NTRK3: variants seen among roughly 807,000 people sequenced by gnomAD.
NTRK3 encodes the protein NT-3 growth factor receptor.
Under a neutral mutation model 91.7 loss-of-function variants are expected in NTRK3, and 24 were observed. That is an observed-to-expected ratio of 0.26 (90% CI 0.19 to 0.37). The LOEUF (loss-of-function observed/expected upper bound fraction) is 0.37, where lower values mean the gene tolerates loss of function less well. Among genes scored for constraint, NTRK3 ranks in the 10% least tolerant of loss-of-function variants. The probability of loss-of-function intolerance (pLI) is 1.00; values close to 1 mark genes in which losing one functional copy is unlikely to be tolerated. For synonymous variants in NTRK3, 483 were observed against 404.0 expected (o/e 1.20, Z -2.34); for missense variants, 880 against 1,068.9 (o/e 0.82, Z 2.46).
chr15:88,014,802 A>T lies in NTRK3; in HGVS notation c.1585+18055T>A, dbSNP rs145076496. On this transcript the variant is annotated intron_variant, in intron 14 of 18. Transcript: ENST00000394480. ...AACACGGTCTCTGATTCCTCTTCTC[A>T]CCAGCTCCGAGATTTTCTTTTTTAT... 9.8e-4 allele frequency among the ~76,000 whole-genome samples: 149 copies of T among 152,342 alleles called. 1 individual carries two copies. Among genetic ancestry groups the T allele is most frequent in the South Asian group, 6.6e-3 (32 of 4,826 alleles).
At chr15:88,020,071 C>T (rs552606147) in intron 14 of NTRK3, among the ~76,000 whole-genome samples, 1 of 152,340 alleles carries the variant, frequency 6.6e-6, no homozygotes, top group Non-Finnish European at 1.5e-5. Context: ...GAAGCCCTAA[C>T]TTCGGAGGGG....
At chr15:88,145,866 A>G (rs989532002) in intron 6 of NTRK3, among the ~76,000 whole-genome samples, 6 of 152,034 alleles carry the variant, frequency 3.9e-5, no homozygotes, top group Admixed American at 3.3e-4. Flanking sequence ...TTTTAAAATT[A>G]TGGTAGAATA....
At chr15:88,144,323 C>G (rs937864215) in intron 6 of NTRK3, among the ~76,000 whole-genome samples, 1 of 152,192 alleles carries the variant, frequency 6.6e-6, no homozygotes, top group Admixed American at 6.5e-5. Context: ...GGTACGCCCC[C>G]CTGGACAGAG....
intron 3 of NTRK3, among the ~76,000 whole-genome samples, chr15:88,220,606 G>A (rs189613477): frequency 1.3e-5 from 2 of 152,182 alleles, no homozygotes; most frequent in African/African-American, 4.8e-5. Flanking sequence ...GCCCTGGAAG[G>A]CTCTTGGGAA....
At chr15:88,226,418 G>C (rs2050682839) in intron 3 of NTRK3, among the ~76,000 whole-genome samples, 1 of 152,230 alleles carries the variant, frequency 6.6e-6, no homozygotes, top group Admixed American at 6.5e-5. Flanking sequence ...AGGTGGCCCT[G>C]AGATGCCGGG....
At chr15:88,246,783 C>A (rs1217171838) in intron 3 of NTRK3, among the ~76,000 whole-genome samples, 2 of 152,182 alleles carry the variant, frequency 1.3e-5, no homozygotes, top group African/African-American at 2.4e-5. Flanking sequence ...AGTCTCACAT[C>A]CCTGGACTGC....
At chr15:88,167,338 A>G (rs2045060566) in intron 5 of NTRK3, among the ~76,000 whole-genome samples, 1 of 152,190 alleles carries the variant, frequency 6.6e-6, no homozygotes, top group Non-Finnish European at 1.5e-5. Flanking sequence ...TCTGAGGTCC[A>G]GAAACCAGAT....
At chr15:88,038,536 G>A (rs922705600) in intron 13 of NTRK3, among the ~76,000 whole-genome samples, 3 of 152,142 alleles carry the variant, frequency 2.0e-5, no homozygotes, top group Non-Finnish European at 4.4e-5. Flanking sequence ...AGCAGCCCTA[G>A]ACCTGGGCAT....
chr15:87,872,400 G>A (rs985946801), exon 19 of NTRK3: 36 of 225,660 alleles, frequency 1.6e-4, no homozygotes, highest in African/African-American at 6.7e-4. Context: ...AACTTAAGAC[G>A]CTGCCCTCTT....
chr15:87,980,419 G>A (rs879670578), intron 14 of NTRK3, among the ~76,000 whole-genome samples: 1 of 152,124 alleles, frequency 6.6e-6, no homozygotes, highest in Non-Finnish European at 1.5e-5. Context: ...GTGTGTTTGT[G>A]TGCATCTGTA....
At chr15:87,933,409 A>T (rs1346029774) in intron 15 of NTRK3, among the ~76,000 whole-genome samples, 1 of 152,206 alleles carries the variant, frequency 6.6e-6, no homozygotes, top group Non-Finnish European at 1.5e-5. Context: ...TGACATCCAC[A>T]TCCCGTGCAC....
intron 14 of NTRK3, among the ~76,000 whole-genome samples, chr15:87,994,676 G>T (rs918410986): frequency 6.6e-6 from 1 of 152,152 alleles, no homozygotes; most frequent in Non-Finnish European, 1.5e-5. Context: ...AACTAAAACA[G>T]GAATTGTTTC....
intron 14 of NTRK3, among the ~76,000 whole-genome samples, chr15:88,010,877 T>A (rs567959810): frequency 6.6e-6 from 1 of 152,192 alleles, no homozygotes; most frequent in South Asian, 2.1e-4. Flanking sequence ...CACCACATCA[T>A]GCATTCACAG....
intron 13 of NTRK3, among the ~76,000 whole-genome samples, chr15:88,039,917 G>A (rs1366761974): frequency 3.3e-5 from 5 of 152,226 alleles, no homozygotes; most frequent in Non-Finnish European, 5.9e-5. Context: ...AAGCAGAGGA[G>A]AACCAAGGAA....
intron 5 of NTRK3, among the ~76,000 whole-genome samples, chr15:88,179,286 GA>G (rs1392907898): frequency 6.6e-6 from 1 of 152,104 alleles, no homozygotes; most frequent in East Asian, 1.9e-4. Flanking sequence ...TTGCTTCTGT[GA>G]AAAAACATTG....
chr15:88,130,559 C>A (rs917093429), intron 10 of NTRK3, among the ~76,000 whole-genome samples: 5 of 152,060 alleles, frequency 3.3e-5, no homozygotes, highest in Admixed American at 1.3e-4. Context: ...CAAAACCTAT[C>A]GACATCACGC....
chr15:88,200,482 T>G (rs577352761), intron 3 of NTRK3, among the ~76,000 whole-genome samples: 1 of 152,212 alleles, frequency 6.6e-6, no homozygotes, highest in African/African-American at 2.4e-5. Context: ...CCACGTGTCA[T>G]GGAAGGGACC....
chr15:88,151,781 G>A (rs776824553), intron 5 of NTRK3, among the ~76,000 whole-genome samples: 52 of 152,268 alleles, frequency 3.4e-4, no homozygotes, highest in South Asian at 1.0e-3. Flanking sequence ...CTCTTCTACT[G>A]GTAGAGGCAG....
chr15:87,895,697 T>C (rs1206078087), intron 17 of NTRK3, among the ~76,000 whole-genome samples: 20 of 152,130 alleles, frequency 1.3e-4, no homozygotes, highest in Admixed American at 1.2e-3. Context: ...ATAAGAAACA[T>C]TTTACAACCT....
Sources: gnomAD v4.1 joint callset for allele counts (sites outside exome capture counted in the v4.1 genomes callset) on GRCh38, gnomAD v4.1.1 for gene constraint, MANE v1.5 for transcripts, NCBI Gene and HGNC (gene_info 2026-07-23, HGNC 2026-07-21) for gene names.